The following CCPG1 variants were observed in gnomAD, a reference collection of about 807,000 sequenced individuals.
CCPG1 encodes cell cycle progression 1.
Under a neutral mutation model 81.3 loss-of-function variants are expected in CCPG1, and 46 were observed. That is an observed-to-expected ratio of 0.57 (90% CI 0.45 to 0.72). CCPG1 has a LOEUF of 0.72. Ranked by LOEUF, CCPG1 falls within the 30% of genes least tolerant of loss-of-function variation. The pLI, the probability that CCPG1 is intolerant of heterozygous loss-of-function variation, is 0.00. For synonymous variants in CCPG1, 330 were observed against 305.2 expected (o/e 1.08, Z -0.85); for missense variants, 902 against 937.6 (o/e 0.96, Z 0.50).
chr15:55,387,923 G>A (rs149190683), intron 2 of CCPG1, among the ~76,000 whole-genome samples: 35,709 of 149,628 alleles, frequency 0.24, 5,342 homozygotes, highest in Non-Finnish European at 0.34. Context: ...AGGCCGAGGC[G>A]GGCGGATCAC....
chr15:55,393,134 A>G (rs2056954393), intron 1 of CCPG1, among the ~76,000 whole-genome samples: 1 of 152,046 alleles, frequency 6.6e-6, no homozygotes, highest in Non-Finnish European at 1.5e-5. Context: ...ATTAAATTAA[A>G]TAGCATATAT....
In CCPG1 at chr15:55,399,418, A is replaced by AG. The variant is rs1355363515; in HGVS notation, c.-10+8802_-10+8803insC. 4.3e-3 allele frequency among the ~76,000 whole-genome samples: 365 copies of AG among 84,028 alleles called. 2 individuals are homozygous for AG. The highest frequency in any genetic ancestry group is 0.03 in the African/African-American group (354 of 11,722). The allele number at this position is 84,028 out of a possible 152,430, so 55.1% of individuals were successfully genotyped here. On this transcript the variant is annotated intron_variant, in intron 1 of 8. Coordinates refer to ENST00000442196, the MANE Select transcript of CCPG1 (RefSeq NM_001204450.2). ...CAAACCTCATCTCCACTAAAAATAC[A>AG]AAAAAAAAAAAAAAAAAAAAACTAG...
intron 5 of CCPG1, chr15:55,372,486 C>T (rs768637426): frequency 1.0e-5 from 2 of 193,142 alleles, no homozygotes; most frequent in African/African-American, 2.4e-5. Flanking sequence ...CATGGCGAAA[C>T]CCCTTCTCTA....
chr15:55,393,174 G>C (rs1169941222), intron 1 of CCPG1, among the ~76,000 whole-genome samples: 1 of 152,136 alleles, frequency 6.6e-6, no homozygotes, highest in African/African-American at 2.4e-5. Context: ...GTGGCGGCTT[G>C]CACCTGTAAC....
At chr15:55,365,429 TTTG>T (rs1566968567) in intron 6 of CCPG1, 120 bp from the exon 7 acceptor site, 5 of 639,352 alleles carry the variant, frequency 7.8e-6, no homozygotes, top group South Asian at 4.2e-5. Flanking sequence ...GTTTTTTTTT[TTTG>T]TTTTTTTTTT....
In CCPG1 at chr15:55,386,738, C is replaced by T. The variant is rs887674990; in HGVS notation, c.61-1024G>A. On this transcript the variant is annotated intron_variant, in intron 2 of 8. Coordinates refer to ENST00000442196, the MANE Select transcript of CCPG1 (RefSeq NM_001204450.2). ...TGAAACCCCATCTCTACTAAAAATA[C>T]AAAAAAAAAATAGCCGAGCGTGGTG... 2.7e-5 allele frequency among the ~76,000 whole-genome samples: 4 copies of T among 147,974 alleles called. 1 individual carries two copies. The highest frequency in any genetic ancestry group is 7.1e-3 in the Middle Eastern group (2 of 280).
chr15:55,407,507 T>C (rs1380754873), intron 1 of CCPG1, among the ~76,000 whole-genome samples: 2 of 152,208 alleles, frequency 1.3e-5, no homozygotes, highest in African/African-American at 4.8e-5. Flanking sequence ...ACTGTGTTTT[T>C]CAATAAAAGT....
chr15:55,360,244 T>G lies in CCPG1; in HGVS notation c.1529A>C (p.Lys510Thr), dbSNP rs2056163697. 6.2e-7 allele frequency: 1 copy of G among 1,614,024 alleles called. No homozygotes were observed. The highest frequency in any genetic ancestry group is 1.3e-5 in the African/African-American group (1 of 75,054). Residue 510 changes from lysine to threonine, a missense_variant, in exon 8 of 9, where the codon AAA becomes ACA. Physicochemically the swap from Lys to Thr is moderately conservative, Grantham distance 78. This residue lies in a region of CCPG1 where 746 missense variants were observed against 728.6 expected (regional missense o/e 1.02). Transcript: ENST00000442196. ...TKEFVRHHKE[K>T]IKQAKEAVKE... ...CACAGCTTCTTTAGCCTGCTTAATT[T>G]TCTCTTTATGATGCCTTACAAACTC...
At chr15:55,361,031 CT>C in intron 7 of CCPG1, 87 bp from the exon 8 acceptor site, 1 of 1,347,422 alleles carries the variant, frequency 7.4e-7, no homozygotes, top group Non-Finnish European at 9.7e-7. Flanking sequence ...ACCCCATAAG[CT>C]TTTGTGTCTT....
chr15:55,374,331 T>A, intron 5 of CCPG1: 2 of 662,158 alleles, frequency 3.0e-6, no homozygotes, highest in African/African-American at 1.9e-5. Flanking sequence ...TAAAAATACT[T>A]AATTATCACT....
chr15:55,389,068 C>CAAAAAAAAAAAAAAAAAAAAA (rs373917631), intron 2 of CCPG1, among the ~76,000 whole-genome samples: 2 of 56,268 alleles, frequency 3.6e-5, no homozygotes, highest in Non-Finnish European at 3.3e-5. Context: ...GACTCTGTCT[C>CAAAAAAAAAAAAAAAAAAAAA]AAAAAAAAAA....
At chr15:55,358,394 C>T in intron 8 of CCPG1, 1 of 985,390 alleles carries the variant, frequency 1.0e-6, no homozygotes, top group Non-Finnish European at 1.2e-6. Context: ...ATAATCTTAT[C>T]CCACCCGCCT....
chr15:55,406,436 C>CTTTTTTT (rs143238270), intron 1 of CCPG1, among the ~76,000 whole-genome samples: 75 of 126,280 alleles, frequency 5.9e-4, no homozygotes, highest in Non-Finnish European at 8.3e-4. Context: ...TTCTTTTTCT[C>CTTTTTTT]TTTTTTTTTT....
At chr15:55,371,634 C>G (rs1041181417) in intron 6 of CCPG1, among the ~76,000 whole-genome samples, 159 bp downstream of exon 6, 3 of 152,140 alleles carry the variant, frequency 2.0e-5, no homozygotes, top group African/African-American at 7.2e-5. Context: ...ATAGGCAGCA[C>G]CCACTTCCCG....
At position 55,356,273 on chromosome 15, in the gene CCPG1, T is replaced by C. The variant is rs1296523287; in HGVS notation, c.2371A>G (p.Met791Val). Residue 791 changes from methionine (M) to valine (V), a missense_variant, in exon 9 of 9, where the codon ATG (methionine) becomes GTG (valine). Physicochemically the swap from Met to Val is conservative, Grantham distance 21 (BLOSUM62 1). Coordinates refer to ENST00000442196, the MANE Select transcript of CCPG1 (RefSeq NM_001204450.2). ...HKYGRTNGRQ[M>V]ANLEIELGQL... ...CCCAATTCTATTTCAAGATTTGCCA[T>C]TTGTCTTCCATTAGTGCGACCATAT... is the stretch of plus-strand genomic sequence containing the variant. 1 of 1,535,050 alleles carries C rather than the reference T, an allele frequency of 6.5e-7. No homozygotes were observed. The highest frequency in any genetic ancestry group is 8.7e-7 in the Non-Finnish European group (1 of 1,146,384).
chr15:55,392,634 C>T (rs560818965), intron 1 of CCPG1, among the ~76,000 whole-genome samples: 2 of 152,208 alleles, frequency 1.3e-5, no homozygotes, highest in African/African-American at 4.8e-5. Flanking sequence ...TACCCTCCCA[C>T]CTCAGCCTCC....
chr15:55,368,506 G>A (rs923809443), intron 6 of CCPG1, among the ~76,000 whole-genome samples: 6 of 152,082 alleles, frequency 3.9e-5, no homozygotes, highest in Admixed American at 6.6e-5. Context: ...ATAGTCTGCC[G>A]AAGAGCCGGG....
chr15:55,381,061 C>T (rs956860073), intron 3 of CCPG1, among the ~76,000 whole-genome samples: 9 of 151,722 alleles, frequency 5.9e-5, no homozygotes, highest in Admixed American at 1.3e-4. Context: ...GGCGTGAACC[C>T]GGGAGGCGGA....
At chr15:55,398,111 CTAAA>C (rs1242482351) in intron 1 of CCPG1, 2 of 152,074 alleles carry the variant, frequency 1.3e-5, no homozygotes, top group East Asian at 3.9e-4. Flanking sequence ...GAGTTAGAGG[CTAAA>C]TAAGTCATTT....
Sources: allele counts gnomAD v4.1 joint callset (sites outside exome capture counted in the v4.1 genomes callset), GRCh38; gene constraint gnomAD v4.1.1; regional missense constraint gnomAD v4.1.1; transcripts MANE v1.5; gene names NCBI Gene and HGNC (gene_info 2026-07-23, HGNC 2026-07-21).